The following MCCC1 variants were observed in gnomAD, a reference collection of about 807,000 sequenced individuals.
The protein encoded by MCCC1 is methylcrotonyl-CoA carboxylase subunit 1, also known as methylcrotonoyl-CoA carboxylase subunit alpha, mitochondrial.
A neutral mutation model predicts 83.8 loss-of-function variants in MCCC1; 64 were observed. The observed-to-expected ratio is 0.76, with a 90% CI of 0.62 to 0.94. The LOEUF is 0.94. Among genes scored for constraint, MCCC1 ranks in the 40% least tolerant of loss-of-function variants. MCCC1 has a pLI of 0.00. For synonymous variants in MCCC1, 322 were observed against 315.4 expected (o/e 1.02, Z -0.22); for missense variants, 807 against 904.7 (o/e 0.89, Z 1.39).
chr3:183,077,994 A>ACGTGTTTT (rs1717204584), intron 4 of MCCC1, among the ~76,000 whole-genome samples: 1 of 152,150 alleles, frequency 6.6e-6, no homozygotes, highest in African/African-American at 2.4e-5. Flanking sequence ...TCCTTATACC[A>ACGTGTTTT]ATACCACGCT....
chr3:183,061,153 G>A (rs13078931), intron 7 of MCCC1, among the ~76,000 whole-genome samples: 84,231 of 152,040 alleles, frequency 0.55, 28,718 homozygotes, highest in Non-Finnish European at 0.76. Context: ...TTGCAACATG[G>A]TGGTAGGGTA....
intron 1 of MCCC1, among the ~76,000 whole-genome samples, chr3:183,105,431 A>G (rs1719387889): frequency 2.6e-5 from 4 of 152,250 alleles, no homozygotes. Context: ...GTACTCATAA[A>G]ACACACTGAT....
At chr3:183,048,533 A>G (rs994337585) in intron 9 of MCCC1, among the ~76,000 whole-genome samples, 10 of 152,236 alleles carry the variant, frequency 6.6e-5, no homozygotes, top group Admixed American at 3.9e-4. Context: ...GCATTAAACA[A>G]TGATAAAAGG....
intron 1 of MCCC1, 116 bp from the exon 2 acceptor site, chr3:183,094,721 A>G (rs2108570147): frequency 9.9e-7 from 1 of 1,010,262 alleles, no homozygotes; most frequent in East Asian, 2.5e-5. Flanking sequence ...ACAGTGCTTT[A>G]GTAAGACTTT....
chr3:183,066,578 C>T lies in MCCC1; in HGVS notation c.761+4421G>A, dbSNP rs537497847. 5.1e-4 allele frequency among the ~76,000 whole-genome samples: 78 copies of T among 152,344 alleles called. No homozygotes were observed. The South Asian group carries it at 0.016, about 31-fold the overall frequency. ...TCAGTCTCCCAAAGTGCTGGGATTA[C>T]AGGCATGAGCCACCAAGCCCCAAAA... On this transcript the variant is annotated intron_variant, in intron 7 of 18. Coordinates refer to ENST00000265594, the MANE Select transcript of MCCC1 (RefSeq NM_020166.5).
At chr3:183,071,473 G>C (rs758516298) in intron 5 of MCCC1, 116 bp from the exon 6 acceptor site, 1 of 1,451,672 alleles carries the variant, frequency 6.9e-7, no homozygotes, top group South Asian at 1.2e-5. Flanking sequence ...AGAAAACATC[G>C]AGTCTGAGAC....
chr3:183,053,480 C>G (rs1715148447), intron 8 of MCCC1, among the ~76,000 whole-genome samples: 1 of 150,784 alleles, frequency 6.6e-6, no homozygotes, highest in Admixed American at 6.6e-5. Flanking sequence ...ACAGCAAGAC[C>G]CCATCTCAAA....
chr3:183,051,522 A>C (rs6806512), intron 9 of MCCC1, among the ~76,000 whole-genome samples: 1 of 152,014 alleles, frequency 6.6e-6, no homozygotes, highest in Non-Finnish European at 1.5e-5. Context: ...GGGGGATGAA[A>C]GGATGAATAG....
chr3:183,052,234 T>A lies in MCCC1; in HGVS notation c.880A>T (p.Ile294Phe). The A allele has an allele frequency of 6.2e-7, 1 of 1,613,790 alleles. No homozygotes were observed. Among genetic ancestry groups the A allele is most frequent in the Non-Finnish European group, 8.5e-7 (1 of 1,179,780 alleles). ...AGCTTTTTTCTTACTTCAGATTTAA[T>A]ACCAGGCTATGAAAAAAATATGTAA... ...KIIEEAPAPG[I>F]KSEVRKKLGE... Residue 294 changes from isoleucine to phenylalanine, a missense_variant, in exon 9 of 19, where the codon ATT becomes TTT. Ile to Phe is a conservative substitution (Grantham distance 21). Coordinates refer to ENST00000265594, the MANE Select transcript of MCCC1 (RefSeq NM_020166.5).
intron 3 of MCCC1, among the ~76,000 whole-genome samples, chr3:183,090,269 G>C (rs78645272): frequency 0.033 from 4,974 of 152,286 alleles, 138 homozygotes; most frequent in Non-Finnish European, 0.055. Flanking sequence ...GGTCAAGTCA[G>C]CTCAGCCCTG....
chr3:183,022,773 AG>A (rs1403778679), intron 15 of MCCC1: 2 of 493,180 alleles, frequency 4.1e-6, no homozygotes, highest in African/African-American at 3.9e-5. Context: ...GGGAAAAAAA[AG>A]TTATATAACT....
intron 3 of MCCC1, among the ~76,000 whole-genome samples, chr3:183,089,100 A>G (rs913458494): frequency 6.6e-6 from 1 of 152,232 alleles, no homozygotes; most frequent in African/African-American, 2.4e-5. Context: ...TGGTTTTACC[A>G]ATATATATTT....
At position 183,096,346 on chromosome 3, in the gene MCCC1, AT is replaced by A. The variant is rs200008318; in HGVS notation, c.90-1742del. Among the ~76,000 whole-genome samples, 480 of 152,000 alleles carry A rather than the reference AT, an allele frequency of 3.2e-3. 2 individuals carry two copies. The highest frequency in any genetic ancestry group is 0.011 in the African/African-American group (453 of 41,376). On this transcript the variant is annotated intron_variant, in intron 1 of 18. Coordinates refer to ENST00000265594, the MANE Select transcript of MCCC1 (RefSeq NM_020166.5). ...GTGAGACTCCATCTCAAAAAAAAAAATAAATAAATAAATAAAAAGCATATGC... is the reference window on the plus strand; with the variant it reads ...GTGAGACTCCATCTCAAAAAAAAAAAAAATAAATAAATAAAAAGCATATGC...
At position 183,037,548 on chromosome 3, in the gene MCCC1, T is replaced by TA. The variant is rs560451877; in HGVS notation, c.1378-115dup. The stretch of plus-strand genomic sequence containing the variant: ...TACTGTGAACAACTCTTAGGAAAAA[T>TA]AAAAAACCTACTAAGGTACCATGTG... On this transcript the variant is annotated intron_variant, in intron 12 of 18. Coordinates refer to ENST00000265594, the MANE Select transcript of MCCC1 (RefSeq NM_020166.5). 136 of 921,946 alleles carry TA rather than the reference T, an allele frequency of 1.5e-4. 6 individuals carry two copies. In the South Asian group the frequency reaches 1.9e-3, roughly 13 times the overall value. The allele number at this position is 921,946 out of a possible 1,614,324, so 57.1% of individuals were successfully genotyped here.
chr3:183,054,012 G>A (rs1004299891), intron 8 of MCCC1, among the ~76,000 whole-genome samples: 1 of 148,040 alleles, frequency 6.8e-6, no homozygotes, highest in Non-Finnish European at 1.5e-5. Context: ...CTCCCGAGTA[G>A]CTGGGATTAC....
chr3:183,057,031 T>C (rs931026130), intron 8 of MCCC1, among the ~76,000 whole-genome samples: 2 of 152,210 alleles, frequency 1.3e-5, no homozygotes, highest in Non-Finnish European at 2.9e-5. Context: ...GAAACCTCAC[T>C]AGACAGCTTT....
chr3:183,053,588 T>C lies in MCCC1; in HGVS notation c.874-1348A>G, dbSNP rs1012909317. ...TCGGGAGGCCAAGGTGGGCGGATCA[T>C]GAAGTCAGGAGTTCGAGACCAGCCT... On this transcript the variant is annotated intron_variant, in intron 8 of 18. Transcript: ENST00000265594. Among the ~76,000 whole-genome samples the C allele has an allele frequency of 2.6e-5, 4 of 151,856 alleles. No homozygotes were observed. The South Asian group carries it at 8.3e-4, about 32-fold the overall frequency.
upstream of MCCC1, among the ~76,000 whole-genome samples, chr3:183,104,464 GA>G (rs66534564): frequency 0.49 from 73,966 of 151,258 alleles, 21,416 homozygotes; most frequent in Non-Finnish European, 0.65. Flanking sequence ...AGCTATAATG[GA>G]AAAAAAAAGG....
At chr3:183,025,499 G>A (rs1712520516) in intron 15 of MCCC1, among the ~76,000 whole-genome samples, 1 of 152,210 alleles carries the variant, frequency 6.6e-6, no homozygotes, top group South Asian at 2.1e-4. Flanking sequence ...GCTTGTGAAT[G>A]TCTGATTTGA....
Sources: gnomAD v4.1 joint callset for allele counts (sites outside exome capture counted in the v4.1 genomes callset) on GRCh38, gnomAD v4.1.1 for gene constraint, MANE v1.5 for transcripts, NCBI Gene and HGNC (gene_info 2026-07-23, HGNC 2026-07-21) for gene names.